CAVIN1: variants seen among roughly 807,000 people sequenced by gnomAD.
CAVIN1 encodes caveolae associated protein 1.
A neutral mutation model predicts 24.0 loss-of-function variants in CAVIN1; 16 were observed. The observed-to-expected ratio is 0.67, with a 90% confidence interval of 0.45 to 1.01. CAVIN1 has a LOEUF of 1.01. Ranked by LOEUF, CAVIN1 falls within the 50% of genes least tolerant of loss-of-function variation. CAVIN1 has a pLI of 0.00. For synonymous variants in CAVIN1, 256 were observed against 256.4 expected, an observed-to-expected ratio of 1.00 and a Z score of 0.02; for missense variants, 510 against 551.7, an observed-to-expected ratio of 0.92 and a Z score of 0.76.
At chr17:42,418,679 T>A (rs12938897) in intron 1 of CAVIN1, among the ~76,000 whole-genome samples, 23,799 of 152,044 alleles carry the variant, frequency 0.16, 2,409 homozygotes, top group South Asian at 0.26. Context: ...GTGATAGAGT[T>A]AACAGAAATT....
chr17:42,422,938 C>G lies in CAVIN1; in HGVS notation c.160G>C (p.Val54Leu), dbSNP rs1458500628. The G allele has an allele frequency of 6.2e-7, 1 of 1,614,036 alleles. No homozygotes were observed. Among genetic ancestry groups the G allele is most frequent in the Admixed American group, 1.7e-5 (1 of 60,028 alleles). Residue 54 changes from valine to leucine, a missense_variant, in exon 1 of 2, where the codon GTG (valine) becomes CTG (leucine). Val to Leu is a conservative substitution (Grantham distance 32). Coordinates refer to ENST00000357037, the MANE Select transcript of CAVIN1 (RefSeq NM_012232.6). ...IKSDQVNGVL[V>L]LSLLDKIIGA... ...ATGATTTTGTCCAGGAGGCTCAGCA[C>G]CAGCACGCCGTTCACCTGGTCCGAC... is the stretch of plus-strand genomic sequence containing the variant.
intron 1 of CAVIN1, among the ~76,000 whole-genome samples, chr17:42,413,565 G>A (rs1252742949): frequency 4.8e-5 from 3 of 62,608 alleles, no homozygotes; most frequent in East Asian, 3.7e-3. Flanking sequence ...TCTCAAAAAG[G>A]GAAAAAAAAA....
At chr17:42,418,267 T>C (rs1385123988) in intron 1 of CAVIN1, among the ~76,000 whole-genome samples, 1 of 151,286 alleles carries the variant, frequency 6.6e-6, no homozygotes, top group Non-Finnish European at 1.5e-5. Flanking sequence ...GTTTCGCTCT[T>C]GTTGCCCAGG....
At chr17:42,413,673 C>T (rs1298437774) in intron 1 of CAVIN1, among the ~76,000 whole-genome samples, 1 of 150,736 alleles carries the variant, frequency 6.6e-6, no homozygotes, top group Non-Finnish European at 1.5e-5. Context: ...AATTGAGCCC[C>T]TCCCTTCCTC....
intron 1 of CAVIN1, chr17:42,411,641 A>G: frequency 6.1e-6 from 6 of 985,440 alleles, no homozygotes; most frequent in Non-Finnish European, 7.2e-6. Context: ...AGGGCACAGA[A>G]CAGACCCCAG....
intron 1 of CAVIN1, among the ~76,000 whole-genome samples, chr17:42,417,776 A>G (rs1245807883): frequency 6.6e-6 from 1 of 152,112 alleles, no homozygotes; most frequent in African/African-American, 2.4e-5. Flanking sequence ...CCCCTGCCTC[A>G]GCCTCCCAAG....
chr17:42,408,645 C>T (rs2145475509), intron 1 of CAVIN1, among the ~76,000 whole-genome samples: 1 of 152,198 alleles, frequency 6.6e-6, no homozygotes, highest in East Asian at 1.9e-4. Flanking sequence ...GCATGTGCCA[C>T]CACACCTGGC....
At position 42,417,568 on chromosome 17, in the gene CAVIN1, T is replaced by C. The variant is rs1475785050; in HGVS notation, c.471+5059A>G. 2.0e-5 allele frequency among the ~76,000 whole-genome samples: 3 copies of C among 152,168 alleles called. No individual in the cohort carries two copies. In the East Asian group the frequency reaches 5.8e-4, roughly 29 times the overall value. Reference sequence around the variant, plus strand: ...TGAATTACTCAAGTGTTTATGGTGATTGCTGGTGTAAACAAGCCTGCTGCA... The same window carrying C: ...TGAATTACTCAAGTGTTTATGGTGACTGCTGGTGTAAACAAGCCTGCTGCA... On this transcript the variant is annotated intron_variant, in intron 1 of 1. Transcript: ENST00000357037.
chr17:42,409,819 C>T (rs1292097099), intron 1 of CAVIN1, among the ~76,000 whole-genome samples: 2 of 152,122 alleles, frequency 1.3e-5, no homozygotes, highest in East Asian at 3.9e-4. Flanking sequence ...GGAAGGACCT[C>T]AGGGGATGGC....
chr17:42,415,824 A>G (rs1179409878), intron 1 of CAVIN1, among the ~76,000 whole-genome samples: 1 of 152,192 alleles, frequency 6.6e-6, no homozygotes, highest in Non-Finnish European at 1.5e-5. Flanking sequence ...TCCAAAAAAA[A>G]ATGGCCCAAG....
intron 1 of CAVIN1, among the ~76,000 whole-genome samples, chr17:42,419,242 G>T (rs904708162): frequency 6.6e-6 from 1 of 152,064 alleles, no homozygotes; most frequent in African/African-American, 2.4e-5. Context: ...TTGCCTGGAA[G>T]AATTGGTTCT....
At chr17:42,412,388 A>AT (rs2085484618) in intron 1 of CAVIN1, 1 of 416,526 alleles carries the variant, frequency 2.4e-6, no homozygotes, top group Non-Finnish European at 3.1e-6. Flanking sequence ...GAAATAAACC[A>AT]CTTTTTTTTT....
Position 42,404,758 on chromosome 17 carries a change from C to A in CAVIN1, c.1102G>T (p.Asp368Tyr). The A allele has an allele frequency of 1.3e-6, 2 of 1,559,434 alleles. No individual in the cohort carries two copies. The highest frequency in any genetic ancestry group is 8.6e-7 in the Non-Finnish European group (1 of 1,156,642). ...GTGATCTCCAGCAGCGCGTGCACGT[C>A]GGGGCTGCTCCCGCGCCGCAGGTCG... is the stretch of plus-strand genomic sequence containing the variant. Reference protein sequence around the residue: ...AGDLRRGSSPDVHALLEITEE... With the variant: ...AGDLRRGSSPYVHALLEITEE... Residue 368 changes from aspartate (D) to tyrosine (Y), a missense_variant, in exon 2 of 2, where the codon GAC (aspartate) becomes TAC (tyrosine). Physicochemically the swap from Asp to Tyr is radical, Grantham distance 160 (BLOSUM62 -3). Transcript: ENST00000357037.
Position 42,423,052 on chromosome 17 carries a change from AC to A in CAVIN1, c.45del (p.Tyr16ThrfsTer28). ...GGCTCCGGGGCCTCGGCGTCGGGGT[AC>A]CCGGGAAGCGGCCGCTCGACAATAT... is the stretch of plus-strand genomic sequence containing the variant. ...TLYIVERPLP[G>X]YPDAEAPEPS... is the part of the protein sequence containing the mutation. On this transcript the variant is annotated frameshift_variant, in exon 1 of 2. Transcript: ENST00000357037. LOFTEE classifies it high-confidence loss of function. The A allele has an allele frequency of 6.2e-7, 1 of 1,608,110 alleles. No homozygotes were observed. The highest frequency in any genetic ancestry group is 1.1e-5 in the South Asian group (1 of 90,604).
intron 1 of CAVIN1, among the ~76,000 whole-genome samples, chr17:42,405,847 C>T (rs1267108906): frequency 1.3e-5 from 2 of 151,944 alleles, no homozygotes; most frequent in South Asian, 2.1e-4. Flanking sequence ...GCCACCACGC[C>T]GGCTAAATTT....
intron 1 of CAVIN1, among the ~76,000 whole-genome samples, chr17:42,407,368 T>C (rs1327656222): frequency 6.6e-6 from 1 of 152,036 alleles, no homozygotes; most frequent in Non-Finnish European, 1.5e-5. Context: ...CAACATAAAC[T>C]GAGTCCTCTC....
chr17:42,415,897 G>A (rs1238849298), intron 1 of CAVIN1, among the ~76,000 whole-genome samples: 1 of 151,988 alleles, frequency 6.6e-6, no homozygotes, highest in Non-Finnish European at 1.5e-5. Context: ...GCTATCAGTT[G>A]CCCACTCTTT....
At chr17:42,422,285 A>G (rs887157997) in intron 1 of CAVIN1, among the ~76,000 whole-genome samples, 1 of 152,192 alleles carries the variant, frequency 6.6e-6, no homozygotes, top group Non-Finnish European at 1.5e-5. Flanking sequence ...GACAGAGCCA[A>G]TTAGGGAGGG....
intron 1 of CAVIN1, among the ~76,000 whole-genome samples, chr17:42,421,203 C>T (rs1428198243): frequency 4.6e-5 from 7 of 151,990 alleles, no homozygotes; most frequent in Admixed American, 4.6e-4. Flanking sequence ...ACCAGCTGAC[C>T]CACCTTTCTG....
Sources: gnomAD v4.1 joint callset for allele counts (sites outside exome capture counted in the v4.1 genomes callset) on GRCh38, gnomAD v4.1.1 for gene constraint, MANE v1.5 for transcripts, NCBI Gene and HGNC (gene_info 2026-07-23, HGNC 2026-07-21) for gene names.